The following TRPM3 variants were observed in gnomAD, a reference collection of about 807,000 sequenced individuals.
TRPM3 encodes the protein transient receptor potential cation channel subfamily M member 3, also known as long transient receptor potential channel 3.
Under a neutral mutation model 181.2 loss-of-function variants are expected in TRPM3, and 77 were observed. The observed-to-expected ratio is 0.42, with a 90% CI of 0.35 to 0.51. The LOEUF (loss-of-function observed/expected upper bound fraction) is 0.51. TRPM3 is among the 20% of genes least tolerant of loss of function. The probability of loss-of-function intolerance (pLI) is 0.01; values close to 1 mark genes in which losing one functional copy is unlikely to be tolerated. For missense variants in TRPM3, 1,759 were observed against 2,196.7 expected (o/e 0.80, Z 3.98); for synonymous variants, 745 against 796.4 (o/e 0.94, Z 1.09).
intron 1 of TRPM3, among the ~76,000 whole-genome samples, chr9:70,977,177 C>G (rs547910914): frequency 6.6e-6 from 1 of 152,330 alleles, no homozygotes; most frequent in East Asian, 1.9e-4. Flanking sequence ...CTCTGTCACC[C>G]AGGCTGGAGT....
intron 8 of TRPM3, among the ~76,000 whole-genome samples, chr9:70,689,767 T>C (rs2067986095): frequency 6.6e-6 from 1 of 152,058 alleles, no homozygotes; most frequent in Non-Finnish European, 1.5e-5. Context: ...AGGAATATAT[T>C]ATAGAAAAAC....
At chr9:70,554,819 C>G (rs886384890) in intron 22 of TRPM3, among the ~76,000 whole-genome samples, 1 of 152,134 alleles carries the variant, frequency 6.6e-6, no homozygotes, top group Non-Finnish European at 1.5e-5. Flanking sequence ...AAAAGAGGAC[C>G]AAAGTGCTTC....
intron 1 of TRPM3, among the ~76,000 whole-genome samples, chr9:70,933,315 T>C (rs2096793406): frequency 6.6e-6 from 1 of 152,156 alleles, no homozygotes; most frequent in Non-Finnish European, 1.5e-5. Flanking sequence ...ATAGATGTGA[T>C]TACCCAGACA....
intron 1 of TRPM3, among the ~76,000 whole-genome samples, chr9:70,877,994 T>G (rs2132652411): frequency 6.6e-6 from 1 of 152,008 alleles, no homozygotes; most frequent in East Asian, 1.9e-4. Flanking sequence ...TTCTCTTTAC[T>G]TTTTTGAATG....
chr9:70,581,773 G>T (rs1217063827), intron 22 of TRPM3, among the ~76,000 whole-genome samples: 1 of 152,172 alleles, frequency 6.6e-6, no homozygotes, highest in Non-Finnish European at 1.5e-5. Context: ...CTCAGAGCTG[G>T]TGGGGCTGTC....
chr9:70,776,837 T>C lies in TRPM3; in HGVS notation c.1148+7268A>G, dbSNP rs561331940. 6.6e-5 allele frequency among the ~76,000 whole-genome samples: 10 copies of C among 152,294 alleles called. No homozygotes were observed. The South Asian group carries it at 2.1e-3, about 32-fold the overall frequency. ...GCCCAGAAACCAAGGAAGGTATTTT[T>C]GAAAACATCAGAGAAGTGTGGACCA... On this transcript the variant is annotated intron_variant, in intron 7 of 25. Coordinates refer to ENST00000677713, the MANE Select transcript of TRPM3 (RefSeq NM_001366145.2).
chr9:70,963,108 A>T (rs143700234), intron 1 of TRPM3, among the ~76,000 whole-genome samples: 2 of 152,282 alleles, frequency 1.3e-5, no homozygotes, highest in Non-Finnish European at 2.9e-5. Flanking sequence ...AGTAGACCTC[A>T]AGGCAAGGTA....
intron 1 of TRPM3, among the ~76,000 whole-genome samples, chr9:71,377,605 CT>C (rs2092697243): frequency 6.6e-6 from 1 of 151,838 alleles, no homozygotes; most frequent in South Asian, 2.1e-4. Context: ...TAGTCTGTAT[CT>C]TTTTTATGTA....
At chr9:71,283,410 C>G (rs998807918) in intron 1 of TRPM3, among the ~76,000 whole-genome samples, 15 of 152,142 alleles carry the variant, frequency 9.9e-5, no homozygotes, top group African/African-American at 3.4e-4. Context: ...CATTCTCCTG[C>G]CTCAGCCTCC....
At chr9:70,538,420 C>T (rs997760297) in intron 25 of TRPM3, among the ~76,000 whole-genome samples, 2 of 150,670 alleles carry the variant, frequency 1.3e-5, no homozygotes, top group African/African-American at 2.4e-5. Context: ...CGTAAGCCAC[C>T]ATGCCCTGCC....
intron 1 of TRPM3, among the ~76,000 whole-genome samples, chr9:71,090,057 G>A (rs551890972): frequency 6.6e-6 from 1 of 152,314 alleles, no homozygotes; most frequent in South Asian, 2.1e-4. Flanking sequence ...CAGCCTGCAA[G>A]CTGTGGATTA....
At chr9:71,312,632 C>T (rs1412963659) in intron 1 of TRPM3, among the ~76,000 whole-genome samples, 1 of 152,008 alleles carries the variant, frequency 6.6e-6, no homozygotes, top group Admixed American at 6.6e-5. Context: ...TTCAAAATTG[C>T]CAAAACTAGG....
At chr9:70,554,165 C>T (rs1470242026) in intron 22 of TRPM3, among the ~76,000 whole-genome samples, 4 of 152,022 alleles carry the variant, frequency 2.6e-5, no homozygotes, top group Admixed American at 6.6e-5. Flanking sequence ...TTGGAATTTC[C>T]GGGTAAATGC....
chr9:71,078,281 T>G (rs953695257), intron 1 of TRPM3, among the ~76,000 whole-genome samples: 1 of 152,318 alleles, frequency 6.6e-6, no homozygotes, highest in African/African-American at 2.4e-5. Flanking sequence ...TGTGCTGATA[T>G]GAAATTTTCT....
chr9:70,801,562 C>T (rs1440415531), intron 6 of TRPM3, among the ~76,000 whole-genome samples: 2 of 152,186 alleles, frequency 1.3e-5, no homozygotes, highest in East Asian at 1.9e-4. Context: ...TAAATCCCTT[C>T]TACTTTTCTC....
chr9:71,107,204 G>A (rs186214960), intron 1 of TRPM3, among the ~76,000 whole-genome samples: 62 of 152,218 alleles, frequency 4.1e-4, no homozygotes, highest in Admixed American at 7.9e-4. Flanking sequence ...CTCCACCCAC[G>A]ACGTGCCCCT....
intron 1 of TRPM3, among the ~76,000 whole-genome samples, chr9:70,981,713 G>T (rs539241171): frequency 6.6e-6 from 1 of 152,134 alleles, no homozygotes; most frequent in Non-Finnish European, 1.5e-5. Flanking sequence ...CTGGCTCGTT[G>T]TAAGTACTCA....
At chr9:71,086,269 T>C (rs1050033696) in intron 1 of TRPM3, among the ~76,000 whole-genome samples, 14 of 151,926 alleles carry the variant, frequency 9.2e-5, no homozygotes, top group Non-Finnish European at 1.6e-4. Context: ...AGCTAGGTGA[T>C]GGGATTATTA....
At chr9:71,006,093 T>C (rs958960549) in intron 1 of TRPM3, among the ~76,000 whole-genome samples, 1 of 152,120 alleles carries the variant, frequency 6.6e-6, no homozygotes, top group Non-Finnish European at 1.5e-5. Context: ...GTGACCAAAG[T>C]TAAGATGGTT....
Sources: gnomAD v4.1 joint callset for allele counts (sites outside exome capture counted in the v4.1 genomes callset) on GRCh38, gnomAD v4.1.1 for gene constraint, MANE v1.5 for transcripts, NCBI Gene and HGNC (gene_info 2026-07-23, HGNC 2026-07-21) for gene names.